Variants in LRRK2 observed in about 807,000 individuals in gnomAD.
LRRK2 encodes leucine-rich repeat serine/threonine-protein kinase 2.
LRRK2 carries 203 observed loss-of-function variants against 302.6 expected under a neutral mutation model. The observed-to-expected ratio is 0.67, with a 90% CI of 0.60 to 0.75. The LOEUF is 0.75. LRRK2 is among the 30% of genes least tolerant of loss of function. The pLI is 0.00. For missense variants in LRRK2, 2,830 were observed against 2,951.0 expected, an observed-to-expected ratio of 0.96 and a Z score of 0.95; for synonymous variants, 1,066 against 1,031.9, an observed-to-expected ratio of 1.03 and a Z score of -0.63.
chr12:40,264,004 C>A, intron 14 of LRRK2, 103 bp downstream of exon 14: 1 of 797,488 alleles, frequency 1.3e-6, no homozygotes, highest in Non-Finnish European at 2.1e-6. Context: ...TCTCCGTTTG[C>A]TATGATAGGA....
intron 39 of LRRK2, among the ~76,000 whole-genome samples, chr12:40,329,829 C>G (rs1480894433): frequency 6.6e-6 from 1 of 152,164 alleles, no homozygotes; most frequent in Admixed American, 6.5e-5. Context: ...TCACCTTAAC[C>G]TTCTGAGTAC....
At chr12:40,227,504 C>T (rs1246460564) in intron 2 of LRRK2, among the ~76,000 whole-genome samples, 1 of 152,170 alleles carries the variant, frequency 6.6e-6, no homozygotes, top group Non-Finnish European at 1.5e-5. Context: ...CTACTCTCTT[C>T]CTCCATGAGA....
At chr12:40,238,775 C>A (rs375769135) in intron 5 of LRRK2, among the ~76,000 whole-genome samples, 1 of 152,082 alleles carries the variant, frequency 6.6e-6, no homozygotes, top group African/African-American at 2.4e-5. Context: ...TTTATGTGGG[C>A]CCTGTGTCAG....
At chr12:40,301,148 T>C (rs1944610137) in intron 25 of LRRK2, 2 of 456,038 alleles carry the variant, frequency 4.4e-6, no homozygotes, top group South Asian at 3.1e-5. Context: ...ACAATCTTAA[T>C]AGTTTGAGAA....
chr12:40,244,509 A>G (rs1303095297), intron 7 of LRRK2, among the ~76,000 whole-genome samples: 9 of 152,132 alleles, frequency 5.9e-5, no homozygotes, highest in Non-Finnish European at 1.0e-4. Flanking sequence ...AGAGATATAC[A>G]TATTTTCTCC....
intron 31 of LRRK2, among the ~76,000 whole-genome samples, chr12:40,312,040 T>C (rs1945053420): frequency 6.6e-6 from 1 of 152,082 alleles, no homozygotes; most frequent in Non-Finnish European, 1.5e-5. Context: ...TCCCTTTTTG[T>C]CATTGTTGTC....
intron 7 of LRRK2, among the ~76,000 whole-genome samples, chr12:40,247,281 CT>C (rs953665856): frequency 6.6e-6 from 1 of 151,748 alleles, no homozygotes; most frequent in African/African-American, 2.4e-5. Context: ...ACATGCACAA[CT>C]TTAGTTTGTT....
intron 20 of LRRK2, among the ~76,000 whole-genome samples, chr12:40,293,046 A>G (rs931736234): frequency 2.0e-5 from 3 of 152,060 alleles, no homozygotes; most frequent in African/African-American, 7.2e-5. Context: ...AATTTATAAG[A>G]AAAATTCAGG....
chr12:40,314,477 A>G (rs548826203), intron 32 of LRRK2, among the ~76,000 whole-genome samples: 50 of 152,192 alleles, frequency 3.3e-4, no homozygotes, highest in Non-Finnish European at 2.1e-4. Flanking sequence ...TGGAACCCTG[A>G]ATAGTCAAAT....
chr12:40,225,097 G>T lies in LRRK2; in HGVS notation c.-35G>T, dbSNP rs1327861211. 3.7e-6 allele frequency: 6 copies of T among 1,612,508 alleles called. No homozygotes were observed. The highest frequency in any genetic ancestry group is 5.1e-6 in the Non-Finnish European group (6 of 1,179,840). On this transcript the variant is annotated 5_prime_UTR_variant, in exon 1 of 51. An upstream start codon of the reference 5' UTR is lost. Transcript: ENST00000298910. Reference sequence around the variant, plus strand: ...GGTTCCCTGAGCAGCGGACGTTCATGCTGGGAGGGCGGCGGGTTGGAAGCA... The same window carrying T: ...GGTTCCCTGAGCAGCGGACGTTCATTCTGGGAGGGCGGCGGGTTGGAAGCA...
chr12:40,345,393 T>C (rs1592317506), intron 41 of LRRK2, among the ~76,000 whole-genome samples: 2 of 151,620 alleles, frequency 1.3e-5, no homozygotes, highest in East Asian at 3.9e-4. Flanking sequence ...GAGGCCGAGG[T>C]GGGTGGATCA....
chr12:40,273,208 T>A (rs1247742047), intron 14 of LRRK2, among the ~76,000 whole-genome samples: 2 of 152,210 alleles, frequency 1.3e-5, no homozygotes, highest in Non-Finnish European at 2.9e-5. Context: ...TACCACTTCT[T>A]AGCAGTCATT....
intron 20 of LRRK2, among the ~76,000 whole-genome samples, chr12:40,293,120 T>G (rs1320277716): frequency 2.0e-5 from 3 of 152,054 alleles, no homozygotes; most frequent in Non-Finnish European, 1.5e-5. Context: ...TAAAAAAAAT[T>G]CAGAGAAACA....
chr12:40,236,427 G>C (rs1251434097), intron 4 of LRRK2, among the ~76,000 whole-genome samples: 1 of 152,126 alleles, frequency 6.6e-6, no homozygotes, highest in South Asian at 2.1e-4. Context: ...GAAAACTTTG[G>C]CCTGGTAGAT....
At chr12:40,336,566 G>A (rs1053280839) in intron 40 of LRRK2, among the ~76,000 whole-genome samples, 59 of 152,140 alleles carry the variant, frequency 3.9e-4, no homozygotes, top group African/African-American at 1.4e-3. Context: ...ACAGTGCCTG[G>A]GGCATAGAAG....
chr12:40,305,558 G>C (rs1189009972), intron 27 of LRRK2, among the ~76,000 whole-genome samples: 1 of 152,108 alleles, frequency 6.6e-6, no homozygotes. Flanking sequence ...TATTACAGAT[G>C]AGTGACATAG....
chr12:40,240,460 G>A (rs1309361548), intron 5 of LRRK2, 23 bp from the exon 6 acceptor site: 6 of 1,604,902 alleles, frequency 3.7e-6, no homozygotes, highest in Admixed American at 3.3e-5. Flanking sequence ...AGCTTATTCA[G>A]TATTTTGTCT....
intron 5 of LRRK2, among the ~76,000 whole-genome samples, chr12:40,239,516 G>A (rs17519552): frequency 0.012 from 1,790 of 152,184 alleles, 40 homozygotes; most frequent in African/African-American, 0.04. Context: ...AGACACTGGA[G>A]GTAGACCATA....
intron 50 of LRRK2, 50 bp downstream of exon 50, chr12:40,367,127 A>G (rs1466244830): frequency 3.8e-6 from 5 of 1,313,780 alleles, no homozygotes; most frequent in Non-Finnish European, 4.4e-6. Context: ...GATGTGAATG[A>G]TGGTAACATA....
Sources: gnomAD v4.1 joint callset for allele counts (sites outside exome capture counted in the v4.1 genomes callset) on GRCh38, gnomAD v4.1.1 for gene constraint, MANE v1.5 for transcripts, NCBI Gene and HGNC (gene_info 2026-07-23, HGNC 2026-07-21) for gene names.